The following ZFYVE16 variants were observed in gnomAD, a reference collection of about 807,000 sequenced individuals.
The protein encoded by ZFYVE16 is zinc finger FYVE-type containing 16.
Under a neutral mutation model 138.1 loss-of-function variants are expected in ZFYVE16, and 89 were observed. That is an observed-to-expected ratio of 0.64 (90% CI 0.54 to 0.77). ZFYVE16 has a LOEUF of 0.77. Ranked by LOEUF, ZFYVE16 falls within the 30% of genes least tolerant of loss-of-function variation. ZFYVE16 has a pLI of 0.00. For synonymous variants in ZFYVE16, 596 were observed against 618.3 expected (o/e 0.96, Z 0.53); for missense variants, 1,793 against 1,786.7 (o/e 1.00, Z -0.06).
Position 80,483,036 on chromosome 5 carries a change from T to A in ZFYVE16, c.*5659T>A, listed in dbSNP as rs1157487328. The A allele has an allele frequency of 6.6e-6, 1 of 152,118 alleles. No homozygotes were observed. The highest frequency in any genetic ancestry group is 1.9e-4 in the East Asian group (1 of 5,188). 9.4% of individuals were successfully genotyped at this position (152,118 alleles called of 1,614,324 possible). The stretch of plus-strand genomic sequence containing the variant: ...GTGCGTGGTACCACGCCCAGCTAAT[T>A]TTTTTATGTTTGTAGTAGAGACGAG... On this transcript the variant is annotated 3_prime_UTR_variant, in exon 19 of 19. Transcript: ENST00000505560.
chr5:80,426,262 GTGTGTGTGTGTATA>G (rs1394919484), intron 1 of ZFYVE16, among the ~76,000 whole-genome samples: 36 of 57,180 alleles, frequency 6.3e-4, no homozygotes, highest in Admixed American at 3.7e-3. Context: ...GTGTGTGTGT[GTGTGTGTGTGTATA>G]TATATATATA....
intron 1 of ZFYVE16, among the ~76,000 whole-genome samples, chr5:80,413,471 C>CAAAAAAAAAAAA (rs70988468): frequency 8.0e-6 from 1 of 124,478 alleles, no homozygotes; most frequent in Non-Finnish European, 1.6e-5. Flanking sequence ...AACTTCATCT[C>CAAAAAAAAAAAA]AAAAAAAAAA....
intron 2 of ZFYVE16, among the ~76,000 whole-genome samples, chr5:80,431,694 G>A (rs1257295454): frequency 9.9e-5 from 15 of 152,096 alleles, no homozygotes; most frequent in South Asian, 4.1e-4. Context: ...AAACCCCATC[G>A]TCTCAGCCCA....
chr5:80,430,430 A>G (rs1212490882), intron 2 of ZFYVE16, among the ~76,000 whole-genome samples: 1 of 151,996 alleles, frequency 6.6e-6, no homozygotes, highest in Non-Finnish European at 1.5e-5. Flanking sequence ...TCTGGGACAC[A>G]TTCAAAGCAT....
intron 11 of ZFYVE16, chr5:80,455,180 A>G (rs1260081211): frequency 1.3e-5 from 2 of 156,982 alleles, no homozygotes; most frequent in African/African-American, 4.8e-5. Context: ...AAGATAATGT[A>G]TGTATAGTTC....
In ZFYVE16 at chr5:80,458,029, G is replaced by A. The variant is rs1752706388; in HGVS notation, c.3943+937G>A. ...CGACAGAGAAACAGAGCGAGACTAC[G>A]TCTAAAAAAAAAAAAAAAAAAAAAG... On this transcript the variant is annotated intron_variant, in intron 14 of 18. Transcript: ENST00000505560. 2.5e-5 allele frequency among the ~76,000 whole-genome samples: 3 copies of A among 120,430 alleles called. No individual in the cohort carries two copies. The South Asian group carries it at 8.3e-4, about 33-fold the overall frequency. 79.0% of individuals were successfully genotyped at this position (120,430 alleles called of 152,430 possible).
intron 15 of ZFYVE16, among the ~76,000 whole-genome samples, chr5:80,463,078 G>A (rs528049852): frequency 2.0e-5 from 3 of 152,344 alleles, no homozygotes; most frequent in Admixed American, 6.5e-5. Flanking sequence ...CAAGCTGTTG[G>A]TGGATCTACC....
chr5:80,432,744 A>G (rs909612612), intron 2 of ZFYVE16, among the ~76,000 whole-genome samples: 1 of 152,232 alleles, frequency 6.6e-6, no homozygotes, highest in Non-Finnish European at 1.5e-5. Flanking sequence ...TTTACAAGAA[A>G]AAAACAAACC....
intron 11 of ZFYVE16, chr5:80,452,531 T>C (rs1752096274): frequency 6.6e-6 from 1 of 152,126 alleles, no homozygotes; most frequent in East Asian, 1.9e-4. Flanking sequence ...TTAATTACTT[T>C]TGCTAAAATT....
chr5:80,419,794 T>C (rs1746815735), intron 1 of ZFYVE16, among the ~76,000 whole-genome samples: 1 of 150,430 alleles, frequency 6.6e-6, no homozygotes, highest in African/African-American at 2.4e-5. Context: ...GAAGAATTCA[T>C]GTCTTTGGTT....
At chr5:80,470,010 CATACATAT>C (rs2112537461) in intron 15 of ZFYVE16, among the ~76,000 whole-genome samples, 2 of 146,298 alleles carry the variant, frequency 1.4e-5, no homozygotes, top group African/African-American at 5.1e-5. Flanking sequence ...TTTGAATATA[CATACATAT>C]ATACATATAT....
Position 80,472,880 on chromosome 5 carries a change from G to A in ZFYVE16, c.4144G>A (p.Val1382Met), listed in dbSNP as rs550518358. The change falls in exon 16 of 19, where the codon GTG (valine) becomes ATG (methionine). Residue 1382 changes from valine to methionine, a missense_variant. Coordinates refer to ENST00000505560, the MANE Select transcript of ZFYVE16 (RefSeq NM_001284236.3). ...KVDAVDLREYVDICWVDAEEK... is the reference protein window; with the variant it reads ...KVDAVDLREYMDICWVDAEEK... ...TGATGCAGTAGACCTGAGAGAATAC[G>A]TGGATATCTGCTGGGTAGATGCTGA... The A allele has an allele frequency of 1.5e-5, 24 of 1,613,790 alleles. No homozygotes were observed. The highest frequency in any genetic ancestry group is 5.5e-5 in the South Asian group (5 of 91,046).
At chr5:80,448,757 T>A (rs1463821672) in intron 8 of ZFYVE16, among the ~76,000 whole-genome samples, 1 of 152,170 alleles carries the variant, frequency 6.6e-6, no homozygotes, top group Non-Finnish European at 1.5e-5. Context: ...TTAGATTGGA[T>A]GGCAAAGCTA....
At chr5:80,427,959 G>A (rs1164804400) in intron 2 of ZFYVE16, among the ~76,000 whole-genome samples, 1 of 99,384 alleles carries the variant, frequency 1.0e-5, no homozygotes, top group African/African-American at 3.7e-5. Flanking sequence ...GTGACAGAGC[G>A]AGACTCCATC....
At position 80,443,256 on chromosome 5, in the gene ZFYVE16, C is replaced by G; in HGVS notation, c.2553C>G (p.Val851=). The part of the protein sequence containing the change: ...SSIPSPATLP[V]SALKQPGVEG... ...TACCTTCACCAGCAACTTTGCCAGT[C>G]TCAGCACTTAAACAACCAGGTGTTG... The change falls in exon 6 of 19, where the codon GTC becomes GTG. Residue 851 remains valine, a synonymous_variant. Transcript: ENST00000505560. 1.9e-6 allele frequency: 3 copies of G among 1,610,464 alleles called. No individual in the cohort carries two copies. Among genetic ancestry groups the G allele is most frequent in the Non-Finnish European group, 2.5e-6 (3 of 1,179,188 alleles).
intron 3 of ZFYVE16, chr5:80,435,835 A>G (rs757411026): frequency 3.2e-6 from 1 of 315,160 alleles, no homozygotes; most frequent in South Asian, 2.4e-5. Context: ...GTGGCTTCCC[A>G]AAGCGCTGGG....
In ZFYVE16 at chr5:80,479,980, T is replaced by C. The variant is rs1755203397; in HGVS notation, c.*2603T>C. On this transcript the variant is annotated 3_prime_UTR_variant, in exon 19 of 19. Coordinates refer to ENST00000505560, the MANE Select transcript of ZFYVE16 (RefSeq NM_001284236.3). ...TAAGCACTGAGCTTCCTTTAAGGTG[T>C]TCCCACACTAGTAATGCCTCCAGGT... is the stretch of plus-strand genomic sequence containing the variant. Among the ~76,000 whole-genome samples, 1 of 152,206 alleles carries C rather than the reference T, an allele frequency of 6.6e-6. No homozygotes were observed.
rs1484966974 is a variant in ZFYVE16, at chr5:80,438,982, G to A, written c.2297G>A (p.Arg766Gln). The A allele has an allele frequency of 4.3e-6, 7 of 1,611,996 alleles. No homozygotes were observed. The highest frequency in any genetic ancestry group is 1.3e-5 in the African/African-American group (1 of 74,812). The stretch of plus-strand genomic sequence containing the variant: ...GTCAAATTTACTTTTACCAAACGGC[G>A]ACACCATTGCCGAGCATGTGGGAAA... ...CQVKFTFTKR[R>Q]HHCRACGKVF... The change falls in exon 4 of 19, where the codon CGA becomes CAA. Residue 766 changes from arginine to glutamine, a missense_variant. Around this residue, in one of 2 missense-constraint regions of ZFYVE16, gnomAD observed 1,295 missense variants for 1,204.3 expected, o/e 1.08. Transcript: ENST00000505560.
In ZFYVE16 at chr5:80,416,247, A is replaced by ATT. The variant is rs70988469; in HGVS notation, c.-94+8119_-94+8120dup. Among the ~76,000 whole-genome samples the ATT allele has an allele frequency of 8.9e-3, 653 of 73,324 alleles. 80 individuals carry two copies. Among genetic ancestry groups the ATT allele is most frequent in the African/African-American group, 0.03 (620 of 20,698 alleles). The allele number at this position is 73,324 out of a possible 152,430, so 48.1% of individuals were successfully genotyped here. A position where few individuals can be genotyped will look rare whatever the true frequency, so the allele number is the denominator to read the frequency against. On this transcript the variant is annotated intron_variant, in intron 1 of 18. Transcript: ENST00000505560. Reference sequence around the variant, plus strand: ...TACTTACGTCAGTATGAATACATAGATTTTTTTTTTTTTTTTTTTTTTTTT... The same window carrying ATT: ...TACTTACGTCAGTATGAATACATAGATTTTTTTTTTTTTTTTTTTTTTTTTTT...
Sources: gnomAD v4.1 joint callset for allele counts (sites outside exome capture counted in the v4.1 genomes callset) on GRCh38, gnomAD v4.1.1 for gene constraint, gnomAD v4.1.1 regional missense constraint, MANE v1.5 for transcripts, NCBI Gene and HGNC (gene_info 2026-07-23, HGNC 2026-07-21) for gene names.